Variants in KCNIP4 observed in about 807,000 individuals in gnomAD.
The protein encoded by KCNIP4 is potassium voltage-gated channel interacting protein 4, also known as Kv channel-interacting protein 4.
A neutral mutation model predicts 34.0 loss-of-function variants in KCNIP4; 12 were observed. That is an observed-to-expected ratio of 0.35 (90% CI 0.23 to 0.57). KCNIP4 has a LOEUF of 0.57. KCNIP4 is among the 20% of genes least tolerant of loss of function. The pLI, the probability that KCNIP4 is intolerant of heterozygous loss-of-function variation, is 0.83. For synonymous variants in KCNIP4, 124 were observed against 102.2 expected, an observed-to-expected ratio of 1.21 and a Z score of -1.29; for missense variants, 238 against 311.7, an observed-to-expected ratio of 0.76 and a Z score of 1.78.
intron 5 of KCNIP4, among the ~76,000 whole-genome samples, chr4:20,741,696 A>G (rs1342185240): frequency 1.3e-5 from 2 of 152,250 alleles, no homozygotes; most frequent in South Asian, 2.1e-4. Flanking sequence ...AAAAGCTAGC[A>G]GAAGGCAAGA....
At chr4:21,641,252 C>T (rs1746592874) in intron 1 of KCNIP4, among the ~76,000 whole-genome samples, 2 of 152,328 alleles carry the variant, frequency 1.3e-5, no homozygotes, top group Non-Finnish European at 2.9e-5. Context: ...TTACAACCTG[C>T]ACCTATGGCC....
At chr4:21,459,182 G>A (rs544728187) in intron 1 of KCNIP4, among the ~76,000 whole-genome samples, 1 of 151,814 alleles carries the variant, frequency 6.6e-6, no homozygotes, top group South Asian at 2.1e-4. Context: ...AATTACTTTT[G>A]AACATGATTC....
At chr4:21,506,827 T>C (rs1376827888) in intron 1 of KCNIP4, among the ~76,000 whole-genome samples, 2 of 152,166 alleles carry the variant, frequency 1.3e-5, no homozygotes, top group Admixed American at 1.3e-4. Context: ...AGTCTCTCTC[T>C]GTAGCCCAGG....
At chr4:21,168,695 A>C (rs2109289406) in intron 1 of KCNIP4, among the ~76,000 whole-genome samples, 1 of 152,328 alleles carries the variant, frequency 6.6e-6, no homozygotes. Context: ...CTCACACAGA[A>C]ACTTATATTT....
chr4:21,017,762 G>T (rs916262008), intron 1 of KCNIP4, among the ~76,000 whole-genome samples: 1 of 152,114 alleles, frequency 6.6e-6, no homozygotes, highest in Non-Finnish European at 1.5e-5. Context: ...TTGAAGAATG[G>T]CCACACTGTC....
At chr4:21,026,793 G>A (rs148357783) in intron 1 of KCNIP4, among the ~76,000 whole-genome samples, 177 of 152,310 alleles carry the variant, frequency 1.2e-3, no homozygotes, top group African/African-American at 4.1e-3. Context: ...GGTGAAAACT[G>A]GGTAAAGGCA....
intron 3 of KCNIP4, among the ~76,000 whole-genome samples, chr4:20,780,403 T>C (rs1756770649): frequency 6.6e-6 from 1 of 152,118 alleles, no homozygotes. Flanking sequence ...GTCAACTCCA[T>C]GGATATTACT....
chr4:21,223,733 T>C (rs1758149941), intron 1 of KCNIP4, among the ~76,000 whole-genome samples: 1 of 152,196 alleles, frequency 6.6e-6, no homozygotes, highest in Admixed American at 6.5e-5. Flanking sequence ...CAATGCAATC[T>C]ATCGGTGTTA....
chr4:21,440,906 A>T (rs1466606049), intron 1 of KCNIP4, among the ~76,000 whole-genome samples: 1 of 152,152 alleles, frequency 6.6e-6, no homozygotes, highest in East Asian at 1.9e-4. Flanking sequence ...TAATATCAGG[A>T]AAAAGAAAAT....
intron 1 of KCNIP4, among the ~76,000 whole-genome samples, chr4:21,215,349 C>T (rs1577901148): frequency 6.6e-6 from 1 of 150,836 alleles, no homozygotes; most frequent in Middle Eastern, 3.4e-3. Context: ...TGGTTAAGCT[C>T]AATAGCCAAT....
chr4:21,519,766 T>TATATATACACAC, intron 1 of KCNIP4, among the ~76,000 whole-genome samples: 1 of 141,024 alleles, frequency 7.1e-6, no homozygotes, highest in African/African-American at 2.7e-5. Context: ...TATGTATGTG[T>TATATATACACAC]GTATACACAC....
chr4:21,912,535 T>C (rs1472646964), intron 1 of KCNIP4, among the ~76,000 whole-genome samples: 1 of 152,042 alleles, frequency 6.6e-6, no homozygotes, highest in Admixed American at 6.6e-5. Flanking sequence ...ACAGAAATAA[T>C]GTGGATAAAG....
chr4:21,176,876 G>T (rs1410800999), intron 1 of KCNIP4, among the ~76,000 whole-genome samples: 4 of 152,300 alleles, frequency 2.6e-5, no homozygotes, highest in African/African-American at 9.6e-5. Flanking sequence ...CAGCACACCT[G>T]TCTTTTCCTC....
At chr4:21,240,119 C>T (rs142341277) in intron 1 of KCNIP4, among the ~76,000 whole-genome samples, 3,107 of 149,258 alleles carry the variant, frequency 0.021, 50 homozygotes, top group Non-Finnish European at 0.03. Context: ...CAAACTATCG[C>T]AAAGACAAAA....
intron 1 of KCNIP4, among the ~76,000 whole-genome samples, chr4:20,967,861 T>C (rs57541631): frequency 6.6e-6 from 1 of 152,164 alleles, no homozygotes; most frequent in Non-Finnish European, 1.5e-5. Context: ...ATTCAGGACA[T>C]AGGCATGGGC....
At chr4:21,329,280 G>A (rs1293075930) in intron 1 of KCNIP4, among the ~76,000 whole-genome samples, 2 of 152,054 alleles carry the variant, frequency 1.3e-5, no homozygotes, top group African/African-American at 2.4e-5. Flanking sequence ...ATACTTCCAA[G>A]AGGATACGGA....
chr4:21,195,298 A>T (rs1018119064), intron 1 of KCNIP4, among the ~76,000 whole-genome samples: 4 of 152,204 alleles, frequency 2.6e-5, no homozygotes, highest in Non-Finnish European at 5.9e-5. Flanking sequence ...TGCCAATGCA[A>T]TTCAATTGGG....
At chr4:21,304,989 A>T (rs908268698) in intron 1 of KCNIP4, among the ~76,000 whole-genome samples, 11 of 152,154 alleles carry the variant, frequency 7.2e-5, no homozygotes, top group African/African-American at 2.4e-4. Context: ...AAAATCTGAA[A>T]AAAAGCGGAA....
intron 1 of KCNIP4, among the ~76,000 whole-genome samples, chr4:21,087,367 G>A (rs553612103): frequency 6.6e-6 from 1 of 152,084 alleles, no homozygotes; most frequent in East Asian, 1.9e-4. Context: ...TAGTACAGAT[G>A]GGGTTTCACC....
Sources: gnomAD v4.1 joint callset for allele counts (sites outside exome capture counted in the v4.1 genomes callset) on GRCh38, gnomAD v4.1.1 for gene constraint, MANE v1.5 for transcripts, NCBI Gene and HGNC (gene_info 2026-07-23, HGNC 2026-07-21) for gene names.